The following DNAH7 variants were observed in gnomAD, a reference collection of about 807,000 sequenced individuals.
DNAH7 encodes dynein axonemal heavy chain 7.
Under a neutral mutation model 444.6 loss-of-function variants are expected in DNAH7, and 397 were observed. The ratio of observed to expected loss-of-function variants is 0.89; its 90% CI spans 0.82 to 0.97. DNAH7 has a LOEUF of 0.97. Among genes scored for constraint, DNAH7 ranks in the 50% least tolerant of loss-of-function variants. The pLI is 0.00. For synonymous variants in DNAH7, 1,636 were observed against 1,624.4 expected (o/e 1.01, Z -0.17); for missense variants, 4,902 against 4,800.8 (o/e 1.02, Z -0.62).
chr2:195,739,887 G>T (rs1259586726), intron 64 of DNAH7, among the ~76,000 whole-genome samples: 1 of 152,118 alleles, frequency 6.6e-6, no homozygotes, highest in Non-Finnish European at 1.5e-5. Context: ...TGTCCTTTTC[G>T]TGGCCTATTT....
intron 60 of DNAH7, among the ~76,000 whole-genome samples, chr2:195,775,630 T>C (rs1695024503): frequency 7.0e-6 from 1 of 142,894 alleles, no homozygotes; most frequent in South Asian, 2.3e-4. Context: ...ATATCTGGGT[T>C]CCCAAAAAAA....
At position 195,794,400 on chromosome 2, in the gene DNAH7, T is replaced by A; in HGVS notation, c.10654A>T (p.Ile3552Phe). The stretch of plus-strand genomic sequence containing the variant: ...ATCGGGTCCATGAGGTATGATCGAA[T>A]GATATTAGCCCGTAAACCTTTTGGT... ...EAPKGLRANI[I>F]RSYLMDPISD... Residue 3552 changes from isoleucine (I) to phenylalanine (F), a missense_variant, in exon 57 of 65, where the codon ATT becomes TTT. Coordinates refer to ENST00000312428, the MANE Select transcript of DNAH7 (RefSeq NM_018897.3). 6.2e-7 allele frequency: 1 copy of A among 1,614,158 alleles called. No individual in the cohort carries two copies. The highest frequency in any genetic ancestry group is 1.1e-5 in the South Asian group (1 of 91,082).
At chr2:195,898,724 A>G (rs1045142509) in intron 28 of DNAH7, among the ~76,000 whole-genome samples, 2 of 152,200 alleles carry the variant, frequency 1.3e-5, no homozygotes, top group African/African-American at 4.8e-5. Flanking sequence ...CCACAGAGAG[A>G]GTGGAGACGG....
chr2:195,805,336 A>G (rs1696659618), intron 54 of DNAH7, among the ~76,000 whole-genome samples: 2 of 152,166 alleles, frequency 1.3e-5, no homozygotes, highest in Non-Finnish European at 2.9e-5. Flanking sequence ...TAGAAAACAA[A>G]GTGAAAAACT....
intron 30 of DNAH7, chr2:195,894,559 C>CA (rs1702195985): frequency 2.0e-5 from 3 of 152,644 alleles, no homozygotes; most frequent in African/African-American, 7.2e-5. Flanking sequence ...CTGAATGTGT[C>CA]ATTATATATG....
At chr2:196,053,771 T>C (rs1309577829) in intron 2 of DNAH7, among the ~76,000 whole-genome samples, 2 of 152,334 alleles carry the variant, frequency 1.3e-5, no homozygotes, top group South Asian at 2.1e-4. Flanking sequence ...CTCCAAACTA[T>C]TTTCCAGCTT....
chr2:195,926,573 A>G lies in DNAH7; in HGVS notation c.3472-7T>C, dbSNP rs371687374. ...AAGTTGCATCTCCAGTTACCTAATCAAAAAAGAATATGCTAAATATTAACC... is the reference window on the plus strand; with the variant it reads ...AAGTTGCATCTCCAGTTACCTAATCGAAAAAGAATATGCTAAATATTAACC... On this transcript the variant is annotated splice_polypyrimidine_tract_variant and splice_region_variant and intron_variant, in intron 21 of 64. Transcript: ENST00000312428. The G allele has an allele frequency of 2.0e-4, 318 of 1,582,664 alleles. 3 individuals carry two copies. In the African/African-American group the frequency reaches 3.9e-3, roughly 20 times the overall value.
chr2:195,800,330 A>G (rs1296668159), intron 54 of DNAH7, among the ~76,000 whole-genome samples: 2 of 152,178 alleles, frequency 1.3e-5, no homozygotes, highest in East Asian at 3.8e-4. Context: ...TGTAGCTGCT[A>G]TTTTCAAAGT....
Position 195,875,927 on chromosome 2 carries a change from C to T in DNAH7, c.6118-84G>A, listed in dbSNP as rs577102709. ...TGTGTAAACAATATTGAGGCAAATA[C>T]TTAGCTATCTATTTGCAGAGTACAT... On this transcript the variant is annotated intron_variant, in intron 37 of 64. Coordinates refer to ENST00000312428, the MANE Select transcript of DNAH7 (RefSeq NM_018897.3). 1.0e-5 allele frequency: 13 copies of T among 1,278,780 alleles called. No homozygotes were observed. In the South Asian group the frequency reaches 2.1e-4, roughly 21 times the overall value. The allele number at this position is 1,278,780 out of a possible 1,614,324, so 79.2% of individuals were successfully genotyped here.
At chr2:196,044,435 T>C (rs892554875) in intron 5 of DNAH7, among the ~76,000 whole-genome samples, 1 of 145,448 alleles carries the variant, frequency 6.9e-6, no homozygotes, top group Non-Finnish European at 1.5e-5. Context: ...CTCTGGAGAC[T>C]CAAGGGGGAA....
intron 15 of DNAH7, among the ~76,000 whole-genome samples, chr2:195,980,090 GA>G (rs1692473057): frequency 1.4e-5 from 2 of 143,280 alleles, no homozygotes; most frequent in Non-Finnish European, 3.0e-5. Flanking sequence ...AAAAAAACTA[GA>G]GGAGGGGCGA....
Position 195,843,952 on chromosome 2 carries a change from C to T in DNAH7, c.8945+1050G>A, listed in dbSNP as rs371798407. Among the ~76,000 whole-genome samples the T allele has an allele frequency of 1.4e-4, 22 of 151,920 alleles. No individual in the cohort carries two copies. The South Asian group carries it at 2.7e-3, about 19-fold the overall frequency. ...TCTACTAAAAATACAAAAAATTAGC[C>T]GGGCGTGGTGGCAGGTGCCTGTAGT... On this transcript the variant is annotated intron_variant, in intron 47 of 64. Coordinates refer to ENST00000312428, the MANE Select transcript of DNAH7 (RefSeq NM_018897.3).
At chr2:195,935,593 G>A (rs1020068687) in intron 20 of DNAH7, among the ~76,000 whole-genome samples, 1 of 152,124 alleles carries the variant, frequency 6.6e-6, no homozygotes, top group Non-Finnish European at 1.5e-5. Context: ...CTTATATTCC[G>A]CTAGAGGAAG....
chr2:195,911,476 A>G (rs2125309323), intron 24 of DNAH7, among the ~76,000 whole-genome samples: 1 of 152,284 alleles, frequency 6.6e-6, no homozygotes, highest in South Asian at 2.1e-4. Context: ...AACAGCAATG[A>G]CTGATAATTT....
At chr2:195,995,481 T>C (rs1050303190) in intron 12 of DNAH7, 4 of 350,164 alleles carry the variant, frequency 1.1e-5, no homozygotes, top group South Asian at 4.9e-5. Context: ...CTCAGGGGTT[T>C]TGAAACCATC....
intron 24 of DNAH7, among the ~76,000 whole-genome samples, chr2:195,919,920 T>C (rs1478408940): frequency 6.6e-6 from 1 of 152,164 alleles, no homozygotes; most frequent in African/African-American, 2.4e-5. Flanking sequence ...AAGTATCAAG[T>C]AGGCTTGTGT....
intron 47 of DNAH7, among the ~76,000 whole-genome samples, chr2:195,839,891 A>C (rs1698581492): frequency 6.6e-6 from 1 of 151,786 alleles, no homozygotes; most frequent in Non-Finnish European, 1.5e-5. Context: ...AATGACAAAA[A>C]AATTCCAGGC....
intron 22 of DNAH7, among the ~76,000 whole-genome samples, chr2:195,926,030 G>T (rs1168105390): frequency 6.6e-6 from 1 of 151,962 alleles, no homozygotes; most frequent in East Asian, 1.9e-4. Flanking sequence ...TAAGTCAACT[G>T]GAGCCTTATC....
intron 18 of DNAH7, among the ~76,000 whole-genome samples, chr2:195,959,936 T>C (rs772635337): frequency 6.6e-6 from 1 of 152,202 alleles, no homozygotes; most frequent in Non-Finnish European, 1.5e-5. Context: ...GATCATATTG[T>C]AGGCAATAAA....
Sources: allele counts gnomAD v4.1 joint callset (sites outside exome capture counted in the v4.1 genomes callset), GRCh38; gene constraint gnomAD v4.1.1; transcripts MANE v1.5; gene names NCBI Gene and HGNC (gene_info 2026-07-23, HGNC 2026-07-21).